Variants in WWC2 observed in about 807,000 individuals in gnomAD.
WWC2 encodes the protein WW and C2 domain containing 2.
Under a neutral mutation model 138.5 loss-of-function variants are expected in WWC2, and 101 were observed. That is an observed-to-expected ratio of 0.73 (90% confidence interval 0.62 to 0.86). The LOEUF (loss-of-function observed/expected upper bound fraction) is 0.86. Among genes scored for constraint, WWC2 ranks in the 40% least tolerant of loss-of-function variants. The pLI is 0.00. For synonymous variants in WWC2, 558 were observed against 538.4 expected, an observed-to-expected ratio of 1.04 and a Z score of -0.50; for missense variants, 1,420 against 1,419.4, an observed-to-expected ratio of 1.00 and a Z score of -0.01.
In WWC2 at chr4:183,280,857, G is replaced by T. The variant is rs534500708; in HGVS notation, c.2644G>T (p.Glu882Ter). Residue 882 changes from glutamate (E) to a stop codon, truncating the protein, a stop_gained, in exon 17 of 23, where the codon GAA becomes TAA. Coordinates refer to ENST00000403733, the MANE Select transcript of WWC2 (RefSeq NM_024949.6). LOFTEE classifies it high-confidence loss of function. ...AGAATTAGCACAAGAAGAAGAAGAA[G>T]AATCAGGACAAGAAGAGCCAAGGGG... ...EQELAQEEEE[E>*]SGQEEPRGPD... The T allele has an allele frequency of 1.3e-6, 2 of 1,588,196 alleles. No homozygotes were observed. The highest frequency in any genetic ancestry group is 1.8e-5 in the Admixed American group (1 of 55,568).
At chr4:183,134,419 T>C (rs1733048705) in intron 1 of WWC2, among the ~76,000 whole-genome samples, 1 of 152,150 alleles carries the variant, frequency 6.6e-6, no homozygotes, top group Non-Finnish European at 1.5e-5. Flanking sequence ...CTAAGTACAT[T>C]GTGCTTTACT....
At chr4:183,235,863 A>G (rs1736408804) in intron 4 of WWC2, among the ~76,000 whole-genome samples, 1 of 152,232 alleles carries the variant, frequency 6.6e-6, no homozygotes, top group African/African-American at 2.4e-5. Flanking sequence ...AAATTGACCT[A>G]TCATCATAAT....
intron 8 of WWC2, among the ~76,000 whole-genome samples, chr4:183,253,461 GA>G (rs1475746733): frequency 1.3e-5 from 2 of 152,182 alleles, no homozygotes; most frequent in Non-Finnish European, 2.9e-5. Flanking sequence ...CTCAGCTTTT[GA>G]AGCCTCTGTG....
intron 4 of WWC2, among the ~76,000 whole-genome samples, chr4:183,220,461 C>G (rs1208107708): frequency 6.7e-6 from 1 of 150,160 alleles, no homozygotes; most frequent in Non-Finnish European, 1.5e-5. Context: ...ACTTGTGGGC[C>G]ATAAAACAAA....
chr4:183,231,258 CTTTTTTTTTTTTTT>C (rs1192297768), intron 4 of WWC2, among the ~76,000 whole-genome samples: 2 of 75,314 alleles, frequency 2.7e-5, no homozygotes, highest in Non-Finnish European at 5.1e-5. Context: ...ACAGTGAAAG[CTTTTTTTTTTTTTT>C]TTTTTTTTTT....
intron 21 of WWC2, among the ~76,000 whole-genome samples, chr4:183,290,200 A>G (rs1319194583): frequency 6.6e-6 from 1 of 152,222 alleles, no homozygotes; most frequent in Non-Finnish European, 1.5e-5. Flanking sequence ...TACTAAAAAA[A>G]GATGAAATCA....
At chr4:183,254,085 C>A in intron 9 of WWC2, 86 bp downstream of exon 9, 3 of 1,520,896 alleles carry the variant, frequency 2.0e-6, no homozygotes, top group East Asian at 2.3e-5. Flanking sequence ...TTGGAAATCT[C>A]AATTGCATCT....
At chr4:183,295,366 T>C (rs937839544) in intron 21 of WWC2, among the ~76,000 whole-genome samples, 1 of 152,214 alleles carries the variant, frequency 6.6e-6, no homozygotes, top group Non-Finnish European at 1.5e-5. Flanking sequence ...GCTTGTCTCC[T>C]GCTCACCACT....
chr4:183,199,196 T>C (rs1460417928), intron 2 of WWC2, among the ~76,000 whole-genome samples: 1 of 152,144 alleles, frequency 6.6e-6, no homozygotes, highest in East Asian at 1.9e-4. Context: ...AGGAAAGACA[T>C]GCAGGAAATT....
intron 1 of WWC2, among the ~76,000 whole-genome samples, chr4:183,138,957 G>C (rs1307211303): frequency 6.6e-6 from 1 of 152,198 alleles, no homozygotes; most frequent in African/African-American, 2.4e-5. Flanking sequence ...TGAGTTTGCA[G>C]AGAATGCTAT....
At chr4:183,213,345 C>T (rs1441168106) in intron 4 of WWC2, among the ~76,000 whole-genome samples, 1 of 152,144 alleles carries the variant, frequency 6.6e-6, no homozygotes, top group Non-Finnish European at 1.5e-5. Context: ...GTTAAAAATC[C>T]CTTTCACGAA....
At chr4:183,188,085 CA>C (rs1333510114) in intron 1 of WWC2, among the ~76,000 whole-genome samples, 7 of 152,064 alleles carry the variant, frequency 4.6e-5, no homozygotes, top group Non-Finnish European at 7.4e-5. Flanking sequence ...TTCTAGTAAA[CA>C]GTAATATAAG....
chr4:183,175,458 T>C (rs1405652154), intron 1 of WWC2, among the ~76,000 whole-genome samples: 1 of 152,090 alleles, frequency 6.6e-6, no homozygotes, highest in Admixed American at 6.5e-5. Context: ...AGATGGGGTT[T>C]TATCATGTTG....
At chr4:183,258,383 T>C (rs1207748094) in intron 9 of WWC2, among the ~76,000 whole-genome samples, 1 of 152,244 alleles carries the variant, frequency 6.6e-6, no homozygotes, top group Non-Finnish European at 1.5e-5. Flanking sequence ...AGAATTACTT[T>C]TTTTAGTTTA....
intron 9 of WWC2, among the ~76,000 whole-genome samples, chr4:183,258,334 A>C (rs1737215863): frequency 6.6e-6 from 1 of 152,240 alleles, no homozygotes; most frequent in African/African-American, 2.4e-5. Context: ...CCATGAATTA[A>C]GAATTTATCG....
intron 4 of WWC2, among the ~76,000 whole-genome samples, chr4:183,233,011 T>C (rs573062083): frequency 6.6e-6 from 1 of 152,216 alleles, no homozygotes; most frequent in South Asian, 2.1e-4. Context: ...TTGGCTATTA[T>C]GGATAATGCT....
intron 1 of WWC2, among the ~76,000 whole-genome samples, chr4:183,184,140 C>T (rs567778437): frequency 2.3e-4 from 35 of 152,266 alleles, no homozygotes; most frequent in African/African-American, 8.4e-4. Context: ...TTTCTATTTA[C>T]CCCTTTCCTT....
chr4:183,216,291 G>A (rs1432648432), intron 4 of WWC2, among the ~76,000 whole-genome samples: 1 of 152,112 alleles, frequency 6.6e-6, no homozygotes, highest in Non-Finnish European at 1.5e-5. Context: ...CTTAATGAAG[G>A]CATCAGAATT....
Position 183,265,767 on chromosome 4 carries a change from A to T in WWC2, c.2119A>T (p.Arg707Ter). The T allele has an allele frequency of 6.2e-7, 1 of 1,610,942 alleles. No individual in the cohort carries two copies. The highest frequency in any genetic ancestry group is 8.5e-7 in the Non-Finnish European group (1 of 1,178,480). The change falls in exon 13 of 23, where the codon AGA becomes TGA. Residue 707 changes from arginine (R) to a stop codon, truncating the protein, a stop_gained and splice_region_variant. Transcript: ENST00000403733. LOFTEE classifies it high-confidence loss of function. The part of the protein sequence containing the change: ...VETAQVQIGL[R>*]YNAKSSSFMV... The stretch of plus-strand genomic sequence containing the variant: ...GACCGCCCAGGTTCAGATAGGACTC[A>T]GGTAAGGAATGTACGTGGGAAAGGA...
Sources: allele counts gnomAD v4.1 joint callset (sites outside exome capture counted in the v4.1 genomes callset), GRCh38; gene constraint gnomAD v4.1.1; transcripts MANE v1.5; gene names NCBI Gene and HGNC (gene_info 2026-07-23, HGNC 2026-07-21).